The following EXOC1 variants were observed in gnomAD, a reference collection of about 807,000 sequenced individuals.
EXOC1 encodes the protein exocyst complex component 1, also known as SEC3-like 1.
A neutral mutation model predicts 107.7 loss-of-function variants in EXOC1; 67 were observed. The ratio of observed to expected loss-of-function variants is 0.62; its 90% CI spans 0.51 to 0.76. The LOEUF is 0.76. Ranked by LOEUF, EXOC1 falls within the 30% of genes least tolerant of loss-of-function variation. The pLI is 0.00. For missense variants in EXOC1, 833 were observed against 1,055.7 expected (o/e 0.79, Z 2.92); for synonymous variants, 348 against 353.5 (o/e 0.98, Z 0.17).
In EXOC1 at chr4:55,892,674, C is replaced by A. The variant is rs756019464; in HGVS notation, c.1687C>A (p.Gln563Lys). 1.2e-6 allele frequency: 2 copies of A among 1,614,076 alleles called. No individual in the cohort carries two copies. The highest frequency in any genetic ancestry group is 2.2e-5 in the South Asian group (2 of 91,076). Residue 563 changes from glutamine (Q) to lysine (K), a missense_variant, in exon 14 of 19, where the codon CAA becomes AAA. Gln to Lys is a moderately conservative substitution (Grantham distance 53). Transcript: ENST00000381295. ...EDLDGGTLSR[Q>K]HNCGTPLPVS... ...CCTGGATGGAGGAACATTATCACGG[C>A]AACATAATTGTGGCACACCACTGCC...
intron 9 of EXOC1, chr4:55,883,289 A>G (rs2109427849): frequency 6.6e-6 from 1 of 152,320 alleles, no homozygotes; most frequent in East Asian, 1.9e-4. Context: ...ATAGAGGAAG[A>G]GCAATTAAGA....
At chr4:55,889,772 G>T (rs145838844) in intron 11 of EXOC1, among the ~76,000 whole-genome samples, 2 of 152,148 alleles carry the variant, frequency 1.3e-5, no homozygotes, top group African/African-American at 4.8e-5. Flanking sequence ...TTGATTTATT[G>T]TGGAGGTAAC....
intron 6 of EXOC1, 86 bp from the exon 7 acceptor site, chr4:55,871,015 A>G: frequency 1.3e-6 from 2 of 1,556,620 alleles, no homozygotes; most frequent in Admixed American, 1.9e-5. Context: ...AATAATTCCA[A>G]AGACCTAATG....
At chr4:55,870,155 T>C (rs79103837) in intron 5 of EXOC1, among the ~76,000 whole-genome samples, 1 of 152,214 alleles carries the variant, frequency 6.6e-6, no homozygotes, top group African/African-American at 2.4e-5. Flanking sequence ...CCCATCATAC[T>C]ACAGTTATAA....
intron 8 of EXOC1, chr4:55,877,359 CTTG>C (rs752703815): frequency 2.4e-4 from 232 of 985,332 alleles, no homozygotes; most frequent in Admixed American, 6.8e-4. Context: ...TTGCCTTTTG[CTTG>C]TTGTTGGGAA....
At chr4:55,877,400 AAGAC>A (rs1356338619) in intron 8 of EXOC1, 1 of 985,292 alleles carries the variant, frequency 1.0e-6, no homozygotes, top group African/African-American at 1.7e-5. Context: ...AATCTGCTCC[AAGAC>A]AGAAGTAAGA....
At chr4:55,876,186 C>A in intron 8 of EXOC1, 5 of 985,058 alleles carry the variant, frequency 5.1e-6, no homozygotes, top group Non-Finnish European at 6.0e-6. Context: ...ATATGGTAGC[C>A]CAGGCATTCT....
At chr4:55,884,395 C>CA (rs1346809359) in intron 10 of EXOC1, among the ~76,000 whole-genome samples, 1 of 152,122 alleles carries the variant, frequency 6.6e-6, no homozygotes, top group Non-Finnish European at 1.5e-5. Context: ...TATTTTGAAT[C>CA]AAAAAGAAAG....
At chr4:55,896,921 A>T in intron 16 of EXOC1, 21 bp downstream of exon 16, 1 of 1,559,624 alleles carries the variant, frequency 6.4e-7, no homozygotes, top group Non-Finnish European at 8.6e-7. Context: ...GTTATGTTCT[A>T]AAGAATTGTT....
At chr4:55,860,751 A>G (rs1376526192) in intron 3 of EXOC1, among the ~76,000 whole-genome samples, 1 of 152,146 alleles carries the variant, frequency 6.6e-6, no homozygotes, top group Non-Finnish European at 1.5e-5. Flanking sequence ...CTGTGTTTAG[A>G]TTAAGTATAA....
At chr4:55,871,288 A>T (rs1290978253) in intron 7 of EXOC1, 55 bp downstream of exon 7, 2 of 1,564,748 alleles carry the variant, frequency 1.3e-6, no homozygotes, top group African/African-American at 2.7e-5. Flanking sequence ...CTAAGCCTGT[A>T]ACTTGTTATA....
intron 1 of EXOC1, among the ~76,000 whole-genome samples, chr4:55,857,343 C>G (rs1721090496): frequency 6.6e-6 from 1 of 151,486 alleles, no homozygotes. Flanking sequence ...CCATGCCCGG[C>G]TAATTTTTTT....
In EXOC1 at chr4:55,896,178, CT is replaced by C. The variant is rs202160552; in HGVS notation, c.1954-537del. On this transcript the variant is annotated intron_variant, in intron 15 of 18. Transcript: ENST00000381295. ...GTTTCATTTTATTTTTTGAGACAGT[CT>C]TGCTCTGTCACCCAGGCTGGAGTGC... is the stretch of plus-strand genomic sequence containing the variant. 6.8e-3 allele frequency among the ~76,000 whole-genome samples: 1,037 copies of C among 152,278 alleles called. 11 individuals are homozygous for C. Among genetic ancestry groups the C allele is most frequent in the African/African-American group, 0.02 (814 of 41,568 alleles).
At chr4:55,878,130 T>G (rs1386074181) in intron 9 of EXOC1, 64 bp downstream of exon 9, 5 of 1,553,410 alleles carry the variant, frequency 3.2e-6, no homozygotes, top group African/African-American at 1.4e-5. Flanking sequence ...TAAGAGGTCA[T>G]GTGTTCAGTT....
chr4:55,866,185 T>G (rs1721943086), intron 4 of EXOC1, among the ~76,000 whole-genome samples: 1 of 152,188 alleles, frequency 6.6e-6, no homozygotes. Context: ...TGATTATAAA[T>G]GGTAGCAGTG....
At chr4:55,891,523 GAATT>G in intron 13 of EXOC1, 101 bp downstream of exon 13, 1 of 803,878 alleles carries the variant, frequency 1.2e-6, no homozygotes, top group East Asian at 2.7e-5. Context: ...GAAAAGGAAA[GAATT>G]TATCATGTAA....
At chr4:55,879,880 A>G (rs779472554) in intron 9 of EXOC1, among the ~76,000 whole-genome samples, 6 of 152,178 alleles carry the variant, frequency 3.9e-5, no homozygotes, top group Non-Finnish European at 5.9e-5. Context: ...TCTAATGCAT[A>G]AGCTGTGTTA....
chr4:55,857,784 T>C (rs929508537), intron 1 of EXOC1, among the ~76,000 whole-genome samples: 4 of 152,200 alleles, frequency 2.6e-5, no homozygotes, highest in African/African-American at 9.7e-5. Flanking sequence ...TCACCAACAC[T>C]TGTTACACCA....
At chr4:55,870,027 G>T (rs769192590) in intron 5 of EXOC1, among the ~76,000 whole-genome samples, 1 of 151,966 alleles carries the variant, frequency 6.6e-6, no homozygotes, top group Non-Finnish European at 1.5e-5. Context: ...GTGATAAGGG[G>T]ATGGTGGTTT....
Sources: allele counts gnomAD v4.1 joint callset (sites outside exome capture counted in the v4.1 genomes callset), GRCh38; gene constraint gnomAD v4.1.1; transcripts MANE v1.5; gene names NCBI Gene and HGNC (gene_info 2026-07-23, HGNC 2026-07-21).